The following TBX3 variants were observed in gnomAD, a reference collection of about 807,000 sequenced individuals.
The protein encoded by TBX3 is T-box transcription factor TBX3.
A neutral mutation model predicts 47.8 loss-of-function variants in TBX3; 11 were observed. The observed-to-expected ratio is 0.23, with a 90% CI of 0.14 to 0.38. The LOEUF is 0.38. Ranked by LOEUF, TBX3 falls within the 10% of genes least tolerant of loss-of-function variation. TBX3 has a pLI of 1.00. For missense variants in TBX3, 927 were observed against 1,022.8 expected (o/e 0.91, Z 1.28); for synonymous variants, 500 against 449.3 (o/e 1.11, Z -1.43).
At position 114,680,945 on chromosome 12, in the gene TBX3, C is replaced by A. The variant is rs1346480124; in HGVS notation, c.591G>T (p.Trp197Cys). 1 of 1,614,116 alleles carries A rather than the reference C, an allele frequency of 6.2e-7. No individual in the cohort carries two copies. Among genetic ancestry groups the A allele is most frequent in the Admixed American group, 1.7e-5 (1 of 60,022 alleles). Residue 197 changes from tryptophan (W) to cysteine (C), a missense_variant, in exon 2 of 7, where the codon TGG becomes TGT. This residue lies in a region of TBX3 where 216 missense variants were observed against 281.2 expected (regional missense o/e 0.77). Coordinates refer to ENST00000349155, the MANE Select transcript of TBX3 (RefSeq NM_005996.4). ...TGTGGAAAGTGACGACTTTGGACAT[C>A]CACTGTTCCCCAGTAGCGGGGCTGT... ...HPDSPATGEQ[W>C]MSKVVTFHKL...
Position 114,674,510 on chromosome 12 carries a change from GC to G in TBX3, c.1364del (p.Gly455AlafsTer157). 1 of 1,510,418 alleles carries G rather than the reference GC, an allele frequency of 6.6e-7. No individual in the cohort carries two copies. The highest frequency in any genetic ancestry group is 8.8e-7 in the Non-Finnish European group (1 of 1,133,554). 93.6% of individuals were successfully genotyped at this position (1,510,418 alleles called of 1,614,324 possible). On this transcript the variant is annotated frameshift_variant, in exon 6 of 7. Transcript: ENST00000349155. LOFTEE classifies it high-confidence loss of function. The part of the protein sequence containing the change: ...AKVEEARALP[G>X]KEAFAPLTVQ... ...CCGTGAGCGGCGCGAAGGCCTCCTT[GC>G]CCGGGAGCGCGCGCGCCTCTTCCAC...
At position 114,683,364 on chromosome 12, in the gene TBX3, G is replaced by T; in HGVS notation, c.-164C>A. 1 of 909,204 alleles carries T rather than the reference G, an allele frequency of 1.1e-6. No homozygotes were observed. Among genetic ancestry groups the T allele is most frequent in the Non-Finnish European group, 1.6e-6 (1 of 614,260 alleles). 56.3% of individuals were successfully genotyped at this position (909,204 alleles called of 1,614,324 possible). A position where few individuals can be genotyped will look rare whatever the true frequency, so the allele number is the denominator to read the frequency against. ...AAAGGAGGCAGAAATCACAACTAAT[G>T]CACTTCAAAGGGAGGAGGGGAAGTG... On this transcript the variant is annotated 5_prime_UTR_variant, in exon 1 of 7. Transcript: ENST00000349155. This position sits in a 1 kb window ranked among gnomAD's most constrained non-coding sequence, Gnocchi z 7.7.
rs1868419689 is a variant in TBX3 at position 114,671,485 on chromosome 12, A to G, written c.*356T>C. ...ACAGTGAAGGAAAAATATATATATA[A>G]ATCCGCACTGAGGGAGATGTCTTTG... On this transcript the variant is annotated 3_prime_UTR_variant, in exon 7 of 7. Coordinates refer to ENST00000349155, the MANE Select transcript of TBX3 (RefSeq NM_005996.4). 1 of 392,726 alleles carries G rather than the reference A, an allele frequency of 2.5e-6. No individual in the cohort carries two copies. Among genetic ancestry groups the G allele is most frequent in the Admixed American group, 4.1e-5 (1 of 24,372 alleles). 24.3% of individuals were successfully genotyped at this position (392,726 alleles called of 1,614,324 possible). A position where few individuals can be genotyped will look rare whatever the true frequency, so the allele number is the denominator to read the frequency against.
chr12:114,681,191 C>T (rs1868912026), intron 1 of TBX3, 45 bp from the exon 2 acceptor site: 2 of 1,609,806 alleles, frequency 1.2e-6, no homozygotes, highest in Non-Finnish European at 1.7e-6. Flanking sequence ...ATAAACCACC[C>T]GTAATCTTGG....
chr12:114,679,966 C>T, intron 2 of TBX3: 1 of 1,614,090 alleles, frequency 6.2e-7, no homozygotes, highest in Admixed American at 1.7e-5. Context: ...CTTGGGAAGG[C>T]CAAAGTCTTA....
intron 3 of TBX3, 146 bp downstream of exon 3, chr12:114,679,359 C>G (rs925895688): frequency 1.3e-5 from 15 of 1,159,924 alleles, no homozygotes; most frequent in Non-Finnish European, 1.9e-5. Flanking sequence ...TGTCATTGTC[C>G]TTTCCCCCCA....
At chr12:114,677,555 C>T (rs995600539) in intron 4 of TBX3, 25 bp downstream of exon 4, 3 of 1,611,128 alleles carry the variant, frequency 1.9e-6, no homozygotes, top group Non-Finnish European at 2.5e-6. Context: ...TCTAAACTAT[C>T]TAATAAATAA....
chr12:114,671,604 A>G lies in TBX3; in HGVS notation c.*237T>C, dbSNP rs1483038946. The G allele has an allele frequency of 8.3e-6, 5 of 602,920 alleles. No individual in the cohort carries two copies. Among genetic ancestry groups the G allele is most frequent in the African/African-American group, 5.6e-5 (3 of 53,974 alleles). The allele number at this position is 602,920 out of a possible 1,614,324, so 37.3% of individuals were successfully genotyped here. A position where few individuals can be genotyped will look rare whatever the true frequency, so the allele number is the denominator to read the frequency against. ...TGGAACTCCTACCCCCAGTAGCTCA[A>G]TGCAACCGACGTTTCTGAGCCCCCA... On this transcript the variant is annotated 3_prime_UTR_variant, in exon 7 of 7. Coordinates refer to ENST00000349155, the MANE Select transcript of TBX3 (RefSeq NM_005996.4).
At chr12:114,674,908 C>T (rs1442637439) in intron 5 of TBX3, 73 bp from the exon 6 acceptor site, 2 of 1,529,724 alleles carry the variant, frequency 1.3e-6, no homozygotes, top group South Asian at 1.2e-5. Context: ...ACTCCAGTTC[C>T]CAAGTTGGAA....
At position 114,674,532 on chromosome 12, in the gene TBX3, T is replaced by A. The variant is rs958290156; in HGVS notation, c.1343A>T (p.Glu448Val). Residue 448 changes from glutamate to valine, a missense_variant, in exon 6 of 7, where the codon GAA (glutamate) becomes GTA (valine). Coordinates refer to ENST00000349155, the MANE Select transcript of TBX3 (RefSeq NM_005996.4). ...CTTGCCCGGGAGCGCGCGCGCCTCT[T>A]CCACCTTGGCCGGCGCTGTGCCCTC... ...VREGTAPAKVEEARALPGKEA... is the reference protein window; with the variant it reads ...VREGTAPAKVVEARALPGKEA... 6 of 1,531,394 alleles carry A rather than the reference T, an allele frequency of 3.9e-6. No individual in the cohort carries two copies. Among genetic ancestry groups the A allele is most frequent in the Non-Finnish European group, 5.2e-6 (6 of 1,143,702 alleles). 94.9% of individuals were successfully genotyped at this position (1,531,394 alleles called of 1,614,324 possible). A position where few individuals can be genotyped will look rare whatever the true frequency, so the allele number is the denominator to read the frequency against.
rs1380875741 is a variant in TBX3 at position 114,671,944 on chromosome 12, A to G, written c.2069T>C (p.Leu690Pro). 6.3e-7 allele frequency: 1 copy of G among 1,595,958 alleles called. No homozygotes were observed. Among genetic ancestry groups the G allele is most frequent in the Admixed American group, 1.7e-5 (1 of 57,610 alleles). The change falls in exon 7 of 7, where the codon CTC becomes CCC. Residue 690 changes from leucine (L) to proline (P), a missense_variant. Around this residue, in one of 5 missense-constraint regions of TBX3, gnomAD observed 623 missense variants for 569.0 expected, o/e 1.09. Transcript: ENST00000349155. ...SSSSMSLSPKLCAEKEAATSE... is the reference protein window; with the variant it reads ...SSSSMSLSPKPCAEKEAATSE... ...GGTGGCCGCCTCTTTCTCCGCGCAG[A>G]GTTTGGGCGACAAGGACATGGAGCT...
chr12:114,683,301 A>G lies in TBX3; in HGVS notation c.-101T>C. The G allele has an allele frequency of 2.0e-6, 3 of 1,499,744 alleles. No homozygotes were observed. The highest frequency in any genetic ancestry group is 2.7e-6 in the Non-Finnish European group (3 of 1,106,088). 92.9% of individuals were successfully genotyped at this position (1,499,744 alleles called of 1,614,324 possible). ...GTTTAACAGCAGCACATAATTCAAA[A>G]GGGGGGAAAAAGCAAAACAAAAAAG... On this transcript the variant is annotated 5_prime_UTR_variant, in exon 1 of 7. Transcript: ENST00000349155. This position sits in a 1 kb window ranked among gnomAD's most constrained non-coding sequence, Gnocchi z 7.7.
rs776631152 is a variant in TBX3 at position 114,683,222 on chromosome 12, G to A, written c.-22C>T. 1 of 1,606,754 alleles carries A rather than the reference G, an allele frequency of 6.2e-7. No homozygotes were observed. Among genetic ancestry groups the A allele is most frequent in the South Asian group, 1.1e-5 (1 of 90,914 alleles). On this transcript the variant is annotated 5_prime_UTR_variant, in exon 1 of 7. Coordinates refer to ENST00000349155, the MANE Select transcript of TBX3 (RefSeq NM_005996.4). The surrounding 1 kb of genome is among the most constrained non-coding windows in gnomAD (Gnocchi z 7.7). The stretch of plus-strand genomic sequence containing the variant: ...TCATCCACTCCAGGCGGGGCGCTGG[G>A]CTCCAGCCGGGGACAAGTCCGCAGC...
rs1367860375 is a variant in TBX3 at position 114,672,059 on chromosome 12, C to G, written c.1954G>C (p.Gly652Arg). Residue 652 changes from glycine to arginine, a missense_variant, in exon 7 of 7, where the codon GGC becomes CGC. Gly to Arg is a moderately radical substitution (Grantham distance 125, BLOSUM62 -2). Transcript: ENST00000349155. ...CTGGCGGCCAGGGCGGCGACTTTGC[C>G]GTCCAGGGGCCCCGCGGCCGCCGCC... ...SMAAAAGPLD[G>R]KVAALAASPA... 1.9e-6 allele frequency: 3 copies of G among 1,571,532 alleles called. No homozygotes were observed. Among genetic ancestry groups the G allele is most frequent in the Non-Finnish European group, 1.7e-6 (2 of 1,159,118 alleles).
At position 114,671,761 on chromosome 12, in the gene TBX3, G is replaced by T; in HGVS notation, c.*80C>A. 1.3e-6 allele frequency: 2 copies of T among 1,518,234 alleles called. No homozygotes were observed. The highest frequency in any genetic ancestry group is 1.2e-5 in the South Asian group (1 of 82,790). The allele number at this position is 1,518,234 out of a possible 1,614,324, so 94.0% of individuals were successfully genotyped here. ...AAAGGAAGGGCTAACGCCATGGCGG[G>T]CCCGTGGTTTATTTTATATCCGACA... On this transcript the variant is annotated 3_prime_UTR_variant, in exon 7 of 7. Coordinates refer to ENST00000349155, the MANE Select transcript of TBX3 (RefSeq NM_005996.4).
rs1868438858 is a variant in TBX3, at chr12:114,671,789, G to A, written c.*52C>T. 10 of 1,544,334 alleles carry A rather than the reference G, an allele frequency of 6.5e-6. No homozygotes were observed. Among genetic ancestry groups the A allele is most frequent in the Non-Finnish European group, 7.9e-6 (9 of 1,143,148 alleles). On this transcript the variant is annotated 3_prime_UTR_variant, in exon 7 of 7. Transcript: ENST00000349155. ...CGTGGTTTATTTTATATCCGACAAA[G>A]TGCACGGCAGCCTGAACTGGACTGG... is the stretch of plus-strand genomic sequence containing the variant.
chr12:114,678,020 T>TCACACACACA (rs3068592), intron 3 of TBX3, among the ~76,000 whole-genome samples: 255 of 144,242 alleles, frequency 1.8e-3, no homozygotes, highest in Middle Eastern at 3.5e-3. Flanking sequence ...CATACTCCCT[T>TCACACACACA]CACACACACA....
chr12:114,674,265 T>C lies in TBX3; in HGVS notation c.1610A>G (p.Asp537Gly), dbSNP rs1868590597. ...AGCGGCAGAGGCCATGGCCGTGGAA[T>C]CCAGGCCCGAGACACCGGTGGAGGC... is the stretch of plus-strand genomic sequence containing the variant. ...SGASTGVSGLDSTAMASAAAA... is the reference protein window; with the variant it reads ...SGASTGVSGLGSTAMASAAAA... Residue 537 changes from aspartate (D) to glycine (G), a missense_variant, in exon 6 of 7, where the codon GAT (aspartate) becomes GGT (glycine). Transcript: ENST00000349155. The C allele has an allele frequency of 6.3e-7, 1 of 1,579,468 alleles. No homozygotes were observed. The highest frequency in any genetic ancestry group is 8.6e-7 in the Non-Finnish European group (1 of 1,163,142).
In TBX3 at chr12:114,674,577, T is replaced by TC; in HGVS notation, c.1297dup (p.Glu433GlyfsTer239). 6.3e-7 allele frequency: 1 copy of TC among 1,582,346 alleles called. No individual in the cohort carries two copies. The stretch of plus-strand genomic sequence containing the variant: ...GCCCTCGCGAACCGGGCTCCTGCGC[T>TC]CCTCCGCGCCCAGGCCGCGAGTGCT... On this transcript the variant is annotated frameshift_variant, in exon 6 of 7. Coordinates refer to ENST00000349155, the MANE Select transcript of TBX3 (RefSeq NM_005996.4). LOFTEE classifies it high-confidence loss of function.
Sources: allele counts gnomAD v4.1 joint callset (sites outside exome capture counted in the v4.1 genomes callset), GRCh38; gene constraint gnomAD v4.1.1; regional missense constraint gnomAD v4.1.1; non-coding constraint Gnocchi (gnomAD v3.1); transcripts MANE v1.5; gene names NCBI Gene and HGNC (gene_info 2026-07-23, HGNC 2026-07-21).